Variants in KIAA1217 observed in about 807,000 individuals in gnomAD.
KIAA1217 encodes the protein sickle tail protein homolog.
KIAA1217 carries 88 observed loss-of-function variants against 163.9 expected under a neutral mutation model. The observed-to-expected ratio is 0.54, with a 90% CI of 0.45 to 0.64. The LOEUF (loss-of-function observed/expected upper bound fraction) is 0.64, where lower values mean the gene tolerates loss of function less well. Ranked by LOEUF, KIAA1217 falls within the 30% of genes least tolerant of loss-of-function variation. The pLI is 0.00. For synonymous variants in KIAA1217, 903 were observed against 923.1 expected, an observed-to-expected ratio of 0.98 and a Z score of 0.39; for missense variants, 2,372 against 2,475.0, an observed-to-expected ratio of 0.96 and a Z score of 0.88.
chr10:24,469,359 A>G (rs1263334043), intron 5 of KIAA1217, among the ~76,000 whole-genome samples: 2 of 152,218 alleles, frequency 1.3e-5, no homozygotes, highest in East Asian at 3.9e-4. Context: ...TCCTGGCCTC[A>G]AGTGATCCGC....
At chr10:23,816,678 A>G (rs1249406264) in intron 1 of KIAA1217, among the ~76,000 whole-genome samples, 1 of 152,212 alleles carries the variant, frequency 6.6e-6, no homozygotes, top group African/African-American at 2.4e-5. Context: ...GTGAAGAGTG[A>G]TGGTGTGAGA....
chr10:23,892,128 C>G (rs1185839796), intron 1 of KIAA1217, among the ~76,000 whole-genome samples: 2 of 151,720 alleles, frequency 1.3e-5, no homozygotes, highest in Non-Finnish European at 2.9e-5. Context: ...TATTTTTATG[C>G]CTTTCTTATT....
chr10:23,918,844 A>T (rs1842732549), intron 1 of KIAA1217, among the ~76,000 whole-genome samples: 1 of 152,086 alleles, frequency 6.6e-6, no homozygotes, highest in African/African-American at 2.4e-5. Flanking sequence ...CTGACAGCAG[A>T]TGCCAAGACA....
intron 2 of KIAA1217, among the ~76,000 whole-genome samples, chr10:24,225,178 T>G (rs1358188288): frequency 6.6e-6 from 1 of 152,158 alleles, no homozygotes; most frequent in Non-Finnish European, 1.5e-5. Flanking sequence ...TTGTTTAGAG[T>G]GCAGTGGCGT....
chr10:24,055,704 G>C (rs566963760), intron 2 of KIAA1217, among the ~76,000 whole-genome samples: 3 of 152,102 alleles, frequency 2.0e-5, no homozygotes, highest in African/African-American at 7.2e-5. Flanking sequence ...ACAATGTAAA[G>C]TCATTTTTTT....
At chr10:23,718,635 TAAAAA>T (rs776088813) in intron 1 of KIAA1217, among the ~76,000 whole-genome samples, 1 of 141,952 alleles carries the variant, frequency 7.0e-6, no homozygotes, top group Non-Finnish European at 1.6e-5. Context: ...AAGGAAAAAC[TAAAAA>T]AAAAAAACTT....
chr10:24,101,768 CT>C (rs1169531597), intron 2 of KIAA1217, among the ~76,000 whole-genome samples: 2 of 152,028 alleles, frequency 1.3e-5, no homozygotes, highest in Non-Finnish European at 2.9e-5. Flanking sequence ...TCATCTTGTG[CT>C]TTTCATTGTG....
chr10:24,253,737 A>G (rs1438982922), intron 2 of KIAA1217, among the ~76,000 whole-genome samples: 2 of 142,554 alleles, frequency 1.4e-5, no homozygotes, highest in Non-Finnish European at 1.5e-5. Flanking sequence ...GTCTCCAAAG[A>G]AAAAAAAAAA....
intron 2 of KIAA1217, among the ~76,000 whole-genome samples, chr10:24,245,975 A>G (rs2073754861): frequency 5.9e-5 from 9 of 152,066 alleles, no homozygotes; most frequent in Admixed American, 5.9e-4. Flanking sequence ...TAGTAAGGTA[A>G]ATGTGCTGCA....
intron 1 of KIAA1217, among the ~76,000 whole-genome samples, chr10:23,780,632 T>C (rs997076014): frequency 6.6e-6 from 1 of 152,192 alleles, no homozygotes; most frequent in African/African-American, 2.4e-5. Flanking sequence ...CAAGATCTTC[T>C]TTCTTAAGGT....
intron 1 of KIAA1217, among the ~76,000 whole-genome samples, chr10:23,783,827 A>C (rs1257719782): frequency 6.6e-6 from 1 of 151,954 alleles, no homozygotes; most frequent in Non-Finnish European, 1.5e-5. Context: ...TATTTCCTCT[A>C]AGTTATCCAT....
intron 2 of KIAA1217, among the ~76,000 whole-genome samples, chr10:24,353,674 C>T (rs1427537599): frequency 6.6e-6 from 1 of 152,124 alleles, no homozygotes. Context: ...GGGCCAGAGG[C>T]TGTTTGTGTA....
chr10:24,450,835 C>T (rs1446475488), intron 5 of KIAA1217, among the ~76,000 whole-genome samples: 2 of 152,160 alleles, frequency 1.3e-5, no homozygotes, highest in Non-Finnish European at 2.9e-5. Context: ...GACTGTCTTC[C>T]TTGTTTTTAA....
At chr10:23,738,445 C>A (rs745710433) in intron 1 of KIAA1217, among the ~76,000 whole-genome samples, 1 of 152,108 alleles carries the variant, frequency 6.6e-6, no homozygotes, top group Non-Finnish European at 1.5e-5. Context: ...TTGGCCTCTA[C>A]TCTGAAAATG....
intron 6 of KIAA1217, among the ~76,000 whole-genome samples, chr10:24,490,863 C>T (rs1408266660): frequency 6.6e-6 from 1 of 152,150 alleles, no homozygotes; most frequent in Non-Finnish European, 1.5e-5. Context: ...AGGTGACATG[C>T]CCTGAACGAG....
intron 1 of KIAA1217, among the ~76,000 whole-genome samples, chr10:23,854,807 G>T (rs1351710956): frequency 1.3e-5 from 2 of 152,142 alleles, no homozygotes; most frequent in Non-Finnish European, 2.9e-5. Context: ...TTGGTTTAAA[G>T]TCTGTTTTAT....
At chr10:23,698,952 T>A (rs1836225834) in intron 1 of KIAA1217, among the ~76,000 whole-genome samples, 2 of 152,202 alleles carry the variant, frequency 1.3e-5, no homozygotes, top group South Asian at 4.1e-4. Flanking sequence ...GCCTGGCTAC[T>A]TTTTGTAGGC....
intron 1 of KIAA1217, among the ~76,000 whole-genome samples, chr10:23,942,687 CA>C (rs58139370): frequency 0.2 from 30,434 of 152,034 alleles, 3,305 homozygotes; most frequent in Middle Eastern, 0.27. Context: ...ATGTCAAACA[CA>C]AAATTCTGAA....
chr10:23,784,109 G>T (rs1278038861), intron 1 of KIAA1217, among the ~76,000 whole-genome samples: 1 of 151,860 alleles, frequency 6.6e-6, no homozygotes, highest in African/African-American at 2.4e-5. Context: ...ATATTTAGGT[G>T]CTCTGGGGTT....
Sources: gnomAD v4.1 joint callset for allele counts (sites outside exome capture counted in the v4.1 genomes callset) on GRCh38, gnomAD v4.1.1 for gene constraint, MANE v1.5 for transcripts, NCBI Gene and HGNC (gene_info 2026-07-23, HGNC 2026-07-21) for gene names.